VTI1A: variants seen among roughly 807,000 people sequenced by gnomAD.
VTI1A encodes the protein vesicle transport through interaction with t-SNAREs 1A.
VTI1A carries 22 observed loss-of-function variants against 34.9 expected under a neutral mutation model. That is an observed-to-expected ratio of 0.63 (90% CI 0.45 to 0.90). The LOEUF is 0.90. VTI1A is among the 40% of genes least tolerant of loss of function. The pLI, the probability that VTI1A is intolerant of heterozygous loss-of-function variation, is 0.00. For synonymous variants in VTI1A, 87 were observed against 97.3 expected (o/e 0.89, Z 0.62); for missense variants, 268 against 275.6 (o/e 0.97, Z 0.20).
At chr10:112,842,178 C>G in the VTI1A span, among the ~76,000 whole-genome samples, 19 of 142,642 alleles carry the variant, frequency 1.3e-4, no homozygotes, top group African/African-American at 4.4e-4. Flanking sequence ...ACAAGGAGTT[C>G]TTTAAAATGA....
At chr10:112,536,601 A>C (rs1850624169) in intron 4 of VTI1A, among the ~76,000 whole-genome samples, 1 of 150,430 alleles carries the variant, frequency 6.6e-6, no homozygotes, top group Admixed American at 6.6e-5. Flanking sequence ...TTTTTTTTGC[A>C]GAGGGAGGGG....
chr10:112,556,803 C>T (rs1438985777), intron 5 of VTI1A, among the ~76,000 whole-genome samples: 2 of 151,950 alleles, frequency 1.3e-5, no homozygotes, highest in Non-Finnish European at 2.9e-5. Flanking sequence ...ACCAAAAGGC[C>T]TGTAGAAATA....
chr10:112,837,719 G>A, the VTI1A span, among the ~76,000 whole-genome samples: 4 of 152,212 alleles, frequency 2.6e-5, no homozygotes, highest in Non-Finnish European at 5.9e-5. Context: ...AGGCAGCCAA[G>A]TCCCTAGAGA....
chr10:112,800,233 G>C (rs894005242), intron 7 of VTI1A, among the ~76,000 whole-genome samples: 2 of 152,212 alleles, frequency 1.3e-5, no homozygotes, highest in African/African-American at 4.8e-5. Flanking sequence ...AGTATCCCCA[G>C]AGAAGCTCAC....
At chr10:112,757,919 TTA>T (rs1354558954) in intron 7 of VTI1A, among the ~76,000 whole-genome samples, 3 of 152,238 alleles carry the variant, frequency 2.0e-5, no homozygotes, top group Non-Finnish European at 2.9e-5. Context: ...TGTGAACATT[TTA>T]TATGTTATAA....
chr10:112,690,396 G>C (rs1848573526), intron 7 of VTI1A, among the ~76,000 whole-genome samples: 1 of 152,134 alleles, frequency 6.6e-6, no homozygotes, highest in Admixed American at 6.5e-5. Flanking sequence ...GAGAGTTCCG[G>C]TTGCTCTCCA....
At chr10:112,694,347 A>C (rs1432429268) in intron 7 of VTI1A, among the ~76,000 whole-genome samples, 4 of 152,152 alleles carry the variant, frequency 2.6e-5, no homozygotes, top group African/African-American at 9.6e-5. Flanking sequence ...AACAGAATGG[A>C]CACTCAGGAA....
chr10:112,809,896 C>G (rs980209171), intron 7 of VTI1A, among the ~76,000 whole-genome samples: 1 of 151,930 alleles, frequency 6.6e-6, no homozygotes, highest in Non-Finnish European at 1.5e-5. Flanking sequence ...AGGGACATAG[C>G]CAGGAAATGC....
At chr10:112,781,459 G>A (rs1355878084) in intron 7 of VTI1A, among the ~76,000 whole-genome samples, 1 of 152,164 alleles carries the variant, frequency 6.6e-6, no homozygotes, top group Non-Finnish European at 1.5e-5. Context: ...ACAGTGTGTG[G>A]TCCTGAAGCT....
chr10:112,708,452 G>A (rs532697286), intron 7 of VTI1A, among the ~76,000 whole-genome samples: 1 of 152,154 alleles, frequency 6.6e-6, no homozygotes, highest in East Asian at 1.9e-4. Flanking sequence ...TTTCAAATAA[G>A]GTCCCATGTA....
chr10:112,515,916 T>C (rs776457238), intron 3 of VTI1A, among the ~76,000 whole-genome samples: 11 of 152,158 alleles, frequency 7.2e-5, no homozygotes, highest in African/African-American at 9.6e-5. Context: ...GTAATTCTTA[T>C]TCATTTGAAA....
intron 5 of VTI1A, among the ~76,000 whole-genome samples, chr10:112,657,395 A>G (rs1322794584): frequency 6.6e-6 from 1 of 152,198 alleles, no homozygotes; most frequent in Non-Finnish European, 1.5e-5. Context: ...CAAGATATAT[A>G]AAAATACTAT....
chr10:112,687,217 A>C (rs1205846207), intron 7 of VTI1A, among the ~76,000 whole-genome samples: 2 of 134,876 alleles, frequency 1.5e-5, no homozygotes, highest in African/African-American at 2.9e-5. Context: ...GGCATACTAC[A>C]ACTTTTTTTT....
chr10:112,555,492 G>C (rs1018723752), intron 5 of VTI1A, among the ~76,000 whole-genome samples: 2 of 151,924 alleles, frequency 1.3e-5, no homozygotes, highest in African/African-American at 4.8e-5. Context: ...TATTCCTTTG[G>C]ATTATTCTGG....
chr10:112,472,343 A>G (rs1589805426), intron 3 of VTI1A, among the ~76,000 whole-genome samples: 1 of 152,324 alleles, frequency 6.6e-6, no homozygotes, highest in Non-Finnish European at 1.5e-5. Context: ...TGACAGTCTC[A>G]GCAGTGAGGC....
At chr10:112,695,089 A>AT (rs1032769018) in intron 7 of VTI1A, among the ~76,000 whole-genome samples, 1 of 152,046 alleles carries the variant, frequency 6.6e-6, no homozygotes, top group Non-Finnish European at 1.5e-5. Context: ...AACACATGAA[A>AT]TTTTTTTTGA....
chr10:112,518,670 C>A (rs1035453130), intron 3 of VTI1A, among the ~76,000 whole-genome samples: 1 of 118,686 alleles, frequency 8.4e-6, no homozygotes. Context: ...TATATATATA[C>A]ACACACACAC....
At chr10:112,752,406 CTT>C in intron 7 of VTI1A, 1 of 985,422 alleles carries the variant, frequency 1.0e-6, no homozygotes, top group East Asian at 1.1e-4. Flanking sequence ...GCTGATATCT[CTT>C]TACCGGGGAG....
At chr10:112,492,203 G>T (rs947197795) in intron 3 of VTI1A, among the ~76,000 whole-genome samples, 1 of 152,022 alleles carries the variant, frequency 6.6e-6, no homozygotes, top group African/African-American at 2.4e-5. Flanking sequence ...GTCAATAAGG[G>T]GTATATAGAA....
Sources: allele counts gnomAD v4.1 joint callset (sites outside exome capture counted in the v4.1 genomes callset), GRCh38; gene constraint gnomAD v4.1.1; transcripts MANE v1.5; gene names NCBI Gene and HGNC (gene_info 2026-07-23, HGNC 2026-07-21).